AVEN: variants seen among roughly 807,000 people sequenced by gnomAD.
AVEN encodes the protein apoptosis and caspase activation inhibitor.
Under a neutral mutation model 38.1 loss-of-function variants are expected in AVEN, and 41 were observed. That is an observed-to-expected ratio of 1.08 (90% CI 0.84 to 1.40). AVEN has a LOEUF of 1.40. AVEN is among the 40% of genes most tolerant of loss of function. AVEN has a pLI of 0.00. For missense variants in AVEN, 605 were observed against 438.8 expected, an observed-to-expected ratio of 1.38 and a Z score of -3.38; for synonymous variants, 206 against 171.8, an observed-to-expected ratio of 1.20 and a Z score of -1.56.
At chr15:33,860,754 C>T in intron 11 of AVEN, 1 of 929,202 alleles carries the variant, frequency 1.1e-6, no homozygotes, top group Non-Finnish European at 1.6e-6. Context: ...TACTTAGGGC[C>T]AGTACTAAGC....
At chr15:33,877,573 G>T (rs1353774923) in intron 2 of AVEN, among the ~76,000 whole-genome samples, 1 of 152,318 alleles carries the variant, frequency 6.6e-6, no homozygotes, top group African/African-American at 2.4e-5. Context: ...CCAGCACTTC[G>T]GGAAGCCGAG....
At chr15:33,896,834 A>T (rs553229096) in intron 2 of AVEN, among the ~76,000 whole-genome samples, 167 of 152,360 alleles carry the variant, frequency 1.1e-3, no homozygotes, top group African/African-American at 3.8e-3. Flanking sequence ...ACTTGATACC[A>T]TCACAACACT....
intron 2 of AVEN, among the ~76,000 whole-genome samples, chr15:33,981,374 C>T (rs1312426682): frequency 6.6e-6 from 1 of 152,108 alleles, no homozygotes; most frequent in Non-Finnish European, 1.5e-5. Flanking sequence ...TTAAATGAAA[C>T]AAGTAGCAAG....
intron 2 of AVEN, among the ~76,000 whole-genome samples, chr15:33,966,427 C>T (rs1332635347): frequency 6.6e-6 from 1 of 152,088 alleles, no homozygotes; most frequent in Admixed American, 6.6e-5. Context: ...TAAAGTGTAA[C>T]ACAAAGCTCC....
chr15:34,039,792 C>CT (rs2140800725), upstream of AVEN, among the ~76,000 whole-genome samples: 2 of 152,280 alleles, frequency 1.3e-5, no homozygotes, highest in South Asian at 4.1e-4. Context: ...GTAGGGATGA[C>CT]TGTCATCCTT....
chr15:34,011,481 A>C (rs1897635549), intron 1 of AVEN, among the ~76,000 whole-genome samples: 1 of 152,232 alleles, frequency 6.6e-6, no homozygotes, highest in Admixed American at 6.5e-5. Context: ...AATAATAAAT[A>C]ATTGGGCTCC....
intron 2 of AVEN, among the ~76,000 whole-genome samples, chr15:33,941,315 GC>G (rs1157903393): frequency 1.3e-5 from 2 of 148,360 alleles, no homozygotes; most frequent in Non-Finnish European, 3.0e-5. Flanking sequence ...TTTTTGTTTT[GC>G]TTCTGACACT....
chr15:34,032,424 G>A (rs1426285595), intron 1 of AVEN, among the ~76,000 whole-genome samples: 1 of 152,144 alleles, frequency 6.6e-6, no homozygotes, highest in Non-Finnish European at 1.5e-5. Flanking sequence ...TTATGAGCGA[G>A]CTATTTTCCA....
chr15:33,926,187 T>C (rs143658687), intron 2 of AVEN, among the ~76,000 whole-genome samples: 142 of 152,330 alleles, frequency 9.3e-4, no homozygotes, highest in African/African-American at 3.3e-3. Flanking sequence ...AGCTATTCAA[T>C]AACCTGCCCT....
chr15:33,854,759 T>A (rs745981470), downstream of AVEN: 1 of 1,595,274 alleles, frequency 6.3e-7, no homozygotes, highest in Non-Finnish European at 8.5e-7. Flanking sequence ...CTTTCTTCCA[T>A]TCCCAGTCCT....
At chr15:33,968,751 G>A (rs1314487705) in intron 2 of AVEN, 1 of 152,124 alleles carries the variant, frequency 6.6e-6, no homozygotes, top group African/African-American at 2.4e-5. Flanking sequence ...GCTTGATTTG[G>A]AAGCGTGTGT....
downstream of AVEN, chr15:33,865,041 C>T: frequency 1.1e-6 from 1 of 915,238 alleles, no homozygotes; most frequent in East Asian, 2.4e-5. Flanking sequence ...CATCAGTCTT[C>T]CTAAAGGGAG....
intron 11 of AVEN, chr15:33,859,435 GA>G (rs1342286279): frequency 1.3e-6 from 1 of 790,822 alleles, no homozygotes; most frequent in African/African-American, 1.7e-5. Context: ...CTAGCAGCAT[GA>G]ATACTGGCAC....
chr15:34,038,974 G>T lies in AVEN; in HGVS notation c.73C>A (p.His25Asn). 1 of 1,112,398 alleles carries T rather than the reference G, an allele frequency of 9.0e-7. No homozygotes were observed. The highest frequency in any genetic ancestry group is 1.1e-6 in the Non-Finnish European group (1 of 914,564). The allele number at this position is 1,112,398 out of a possible 1,614,324, so 68.9% of individuals were successfully genotyped here. ...PGRGRPGGDR[H>N]SERPGAAAAV... ...GCTGCGGCTCCGGGCCGCTCGCTGTGGCGATCTCCGCCAGGCCGGCCGCGG... is the reference window on the plus strand; with the variant it reads ...GCTGCGGCTCCGGGCCGCTCGCTGTTGCGATCTCCGCCAGGCCGGCCGCGG... The change falls in exon 1 of 6, where the codon CAC becomes AAC. Residue 25 changes from histidine (H) to asparagine (N), a missense_variant. Physicochemically the swap from His to Asn is moderately conservative, Grantham distance 68 (BLOSUM62 1). Coordinates refer to ENST00000306730, the MANE Select transcript of AVEN (RefSeq NM_020371.3).
intron 1 of AVEN, among the ~76,000 whole-genome samples, chr15:34,011,988 A>T (rs1897657503): frequency 6.6e-6 from 1 of 152,218 alleles, no homozygotes; most frequent in African/African-American, 2.4e-5. Flanking sequence ...CCTTGTAGAA[A>T]GGAAGGGGGA....
downstream of AVEN, chr15:33,864,862 T>TTTAGTGGCAAACA (rs1293620186): frequency 4.9e-6 from 2 of 407,684 alleles, no homozygotes; most frequent in Admixed American, 4.1e-5. Flanking sequence ...TTTAAGTATG[T>TTTAGTGGCAAACA]TTAGTGGCAA....
intron 2 of AVEN, among the ~76,000 whole-genome samples, chr15:33,896,324 C>T (rs2551417): frequency 0.82 from 124,668 of 152,092 alleles, 55,185 homozygotes; most frequent in Non-Finnish European, 0.98. Context: ...AAGGACATTA[C>T]GGCTTGTTAG....
At chr15:33,986,638 T>C (rs1348543250) in intron 2 of AVEN, among the ~76,000 whole-genome samples, 1 of 111,620 alleles carries the variant, frequency 9.0e-6, no homozygotes, top group Non-Finnish European at 2.2e-5. Context: ...ATCATGACCA[T>C]AAGGCTCTAT....
chr15:34,019,033 T>A (rs1186715372), intron 1 of AVEN, among the ~76,000 whole-genome samples: 1 of 151,710 alleles, frequency 6.6e-6, no homozygotes, highest in Admixed American at 6.6e-5. Context: ...GAGCGCTGAT[T>A]GGTGCGTTTT....
Sources: gnomAD v4.1 joint callset for allele counts (sites outside exome capture counted in the v4.1 genomes callset) on GRCh38, gnomAD v4.1.1 for gene constraint, MANE v1.5 for transcripts, NCBI Gene and HGNC (gene_info 2026-07-23, HGNC 2026-07-21) for gene names.